CPEB2: variants seen among roughly 807,000 people sequenced by gnomAD.
CPEB2 encodes cytoplasmic polyadenylation element binding protein 2.
Under a neutral mutation model 93.6 loss-of-function variants are expected in CPEB2, and 56 were observed. That is an observed-to-expected ratio of 0.60 (90% CI 0.48 to 0.75). CPEB2 has a LOEUF of 0.75. Among genes scored for constraint, CPEB2 ranks in the 30% least tolerant of loss-of-function variants. The probability of loss-of-function intolerance (pLI) is 0.00; values close to 1 mark genes in which losing one functional copy is unlikely to be tolerated. For missense variants in CPEB2, 1,579 were observed against 1,395.1 expected (o/e 1.13, Z -2.10); for synonymous variants, 764 against 586.3 (o/e 1.30, Z -4.38).
chr4:15,060,972 A>G (rs1360329961), intron 10 of CPEB2, among the ~76,000 whole-genome samples: 1 of 152,150 alleles, frequency 6.6e-6, no homozygotes, highest in Non-Finnish European at 1.5e-5. Context: ...AAGAATACAG[A>G]AAGAATGAAG....
intron 4 of CPEB2, among the ~76,000 whole-genome samples, chr4:15,022,635 GA>G (rs1376184237): frequency 6.6e-6 from 1 of 151,534 alleles, no homozygotes; most frequent in Non-Finnish European, 1.5e-5. Flanking sequence ...CCTTTGATAG[GA>G]AAAAAAATTA....
rs991964214 is a variant in CPEB2 at position 15,058,679 on chromosome 4, A to T, written c.2580+140A>T. The T allele has an allele frequency of 1.1e-5, 7 of 609,592 alleles. 1 individual carries two copies. The highest frequency in any genetic ancestry group is 5.4e-5 in the Admixed American group (2 of 37,082). 37.8% of individuals were successfully genotyped at this position (609,592 alleles called of 1,614,324 possible). A position where few individuals can be genotyped will look rare whatever the true frequency, so the allele number is the denominator to read the frequency against. On this transcript the variant is annotated intron_variant, in intron 9 of 11. Transcript: ENST00000538197. Reference sequence around the variant, plus strand: ...TTGAAACATCCAGATAATTTATAGCAGGAGTCCCCAACCCCTGGGCAGTGG... The same window carrying T: ...TTGAAACATCCAGATAATTTATAGCTGGAGTCCCCAACCCCTGGGCAGTGG...
chr4:15,023,399 A>G (rs779883687), intron 4 of CPEB2, among the ~76,000 whole-genome samples: 20 of 150,304 alleles, frequency 1.3e-4, no homozygotes, highest in South Asian at 4.2e-4. Flanking sequence ...TTCCTGTTAC[A>G]AAAAAAATAG....
chr4:15,002,622 A>G lies in CPEB2; in HGVS notation c.-52A>G. ...GCAACCCCAGCGCCGGCGGCTTCCT[A>G]GGTGGGGCAGGGGACGAGGAGCGTC... On this transcript the variant is annotated 5_prime_UTR_variant, in exon 1 of 12. Coordinates refer to ENST00000538197, the MANE Select transcript of CPEB2 (RefSeq NM_001177382.2). The G allele has an allele frequency of 7.1e-7, 1 of 1,405,138 alleles. No individual in the cohort carries two copies. The highest frequency in any genetic ancestry group is 9.3e-7 in the Non-Finnish European group (1 of 1,070,990). The allele number at this position is 1,405,138 out of a possible 1,614,324, so 87.0% of individuals were successfully genotyped here.
chr4:15,052,548 GT>G lies in CPEB2; in HGVS notation c.2340del (p.Phe780LeufsTer14). 2 of 1,558,518 alleles carry G rather than the reference GT, an allele frequency of 1.3e-6. No individual in the cohort carries two copies. The highest frequency in any genetic ancestry group is 1.2e-5 in the South Asian group (1 of 83,582). On this transcript the variant is annotated frameshift_variant, in exon 7 of 12. Coordinates refer to ENST00000538197, the MANE Select transcript of CPEB2 (RefSeq NM_001177382.2). LOFTEE classifies it high-confidence loss of function. ...GCGAATAGAACGCTTCTCTCGAAAA[GT>G]TTTTGTTGGTGGTCTTCCTCCAGAT... Reference protein sequence around the residue: ...GERIERFSRKVFVGGLPPDID... With the variant: ...GERIERFSRKXFVGGLPPDID...
chr4:15,059,882 G>A (rs1023747684), intron 10 of CPEB2, among the ~76,000 whole-genome samples: 4 of 152,014 alleles, frequency 2.6e-5, no homozygotes, highest in African/African-American at 2.4e-5. Context: ...TGAGAACATC[G>A]TCTCCCCAGT....
chr4:15,003,026 T>A lies in CPEB2; in HGVS notation c.353T>A (p.Leu118His), dbSNP rs768084133. Reference protein sequence around the residue: ...PLSGAAATEKLPDHHPGGGTI... With the variant: ...PLSGAAATEKHPDHHPGGGTI... Reference sequence around the variant, plus strand: ...TCGGGGGCGGCGGCCACGGAGAAACTCCCCGACCACCACCCCGGCGGCGGC... The same window carrying A: ...TCGGGGGCGGCGGCCACGGAGAAACACCCCGACCACCACCCCGGCGGCGGC... The change falls in exon 1 of 12, where the codon CTC becomes CAC. Residue 118 changes from leucine to histidine, a missense_variant. By Grantham distance (99) the Leu-to-His change is moderately conservative. This residue lies in a region of CPEB2 where 1,411 missense variants were observed against 1,056.0 expected (regional missense o/e 1.34). Coordinates refer to ENST00000538197, the MANE Select transcript of CPEB2 (RefSeq NM_001177382.2). 21 of 1,491,906 alleles carry A rather than the reference T, an allele frequency of 1.4e-5. No homozygotes were observed. The South Asian group carries it at 2.6e-4, about 18-fold the overall frequency. 92.4% of individuals were successfully genotyped at this position (1,491,906 alleles called of 1,614,324 possible). A position where few individuals can be genotyped will look rare whatever the true frequency, so the allele number is the denominator to read the frequency against.
chr4:15,008,725 T>C (rs1010968414), intron 3 of CPEB2, among the ~76,000 whole-genome samples: 10 of 152,188 alleles, frequency 6.6e-5, no homozygotes, highest in Non-Finnish European at 1.5e-4. Context: ...AAGCAGATTG[T>C]ATCTCTTTTC....
intron 4 of CPEB2, among the ~76,000 whole-genome samples, chr4:15,020,882 A>G (rs142222873): frequency 6.6e-6 from 1 of 152,290 alleles, no homozygotes; most frequent in Non-Finnish European, 1.5e-5. Flanking sequence ...TGAGGTGTTT[A>G]GAGAGATTAT....
At chr4:15,044,401 A>T (rs1727467023) in intron 6 of CPEB2, among the ~76,000 whole-genome samples, 1 of 152,168 alleles carries the variant, frequency 6.6e-6, no homozygotes, top group Non-Finnish European at 1.5e-5. Context: ...AGAGACTGGT[A>T]GTGTCTGCTC....
In CPEB2 at chr4:15,049,175, A is replaced by G. The variant is rs912523710; in HGVS notation, c.2201-3239A>G. 3.9e-5 allele frequency among the ~76,000 whole-genome samples: 6 copies of G among 152,054 alleles called. No individual in the cohort carries two copies. The East Asian group carries it at 9.6e-4, about 24-fold the overall frequency. On this transcript the variant is annotated intron_variant, in intron 6 of 11. Coordinates refer to ENST00000538197, the MANE Select transcript of CPEB2 (RefSeq NM_001177382.2). ...TATGAATACTAAGTAATATTTTATT[A>G]TAGTAAACAAAAAGTTTGAGTCACT...
intron 9 of CPEB2, among the ~76,000 whole-genome samples, 156 bp from the exon 10 acceptor site, chr4:15,059,031 C>T (rs1291063298): frequency 2.0e-5 from 3 of 152,140 alleles, no homozygotes; most frequent in Non-Finnish European, 4.4e-5. Flanking sequence ...TTTATAGTAT[C>T]TAGATCAACA....
chr4:15,049,830 GT>G (rs1728054726), intron 6 of CPEB2, among the ~76,000 whole-genome samples: 1 of 152,016 alleles, frequency 6.6e-6, no homozygotes, highest in African/African-American at 2.4e-5. Context: ...CTCTGTTGTT[GT>G]GTCTTATAAA....
chr4:15,029,773 A>G (rs4453931), intron 4 of CPEB2, among the ~76,000 whole-genome samples: 120,706 of 152,000 alleles, frequency 0.79, 48,934 homozygotes, highest in Middle Eastern at 0.89. Context: ...TCATTCTTCT[A>G]TTATCCTGAA....
intron 6 of CPEB2, 74 bp downstream of exon 6, chr4:15,040,561 C>G: frequency 7.7e-7 from 1 of 1,306,760 alleles, no homozygotes; most frequent in Non-Finnish European, 1.0e-6. Flanking sequence ...ATTAATTACT[C>G]TAGATTTTTC....
intron 4 of CPEB2, among the ~76,000 whole-genome samples, chr4:15,026,828 A>G (rs1560230281): frequency 6.6e-6 from 1 of 152,178 alleles, no homozygotes; most frequent in African/African-American, 2.4e-5. Context: ...AATAAAATTG[A>G]ATTAGCTTTT....
At chr4:15,024,383 T>C (rs1430039196) in intron 4 of CPEB2, among the ~76,000 whole-genome samples, 1 of 152,150 alleles carries the variant, frequency 6.6e-6, no homozygotes, top group Non-Finnish European at 1.5e-5. Flanking sequence ...CTATATAATA[T>C]GATAAGTCAC....
chr4:15,027,281 G>C (rs946905931), intron 4 of CPEB2, among the ~76,000 whole-genome samples: 4 of 152,112 alleles, frequency 2.6e-5, no homozygotes, highest in Admixed American at 6.5e-5. Context: ...ATTTATGATA[G>C]GATTTTGATT....
At position 15,002,501 on chromosome 4, in the gene CPEB2, G is replaced by A. The variant is rs535054951; in HGVS notation, c.-173G>A. ...CGACTGCGACGGCGGCGGCGGCGGC[G>A]ATCGCCGCGAGGGGTGGTGGGGCCG... is the stretch of plus-strand genomic sequence containing the variant. On this transcript the variant is annotated 5_prime_UTR_variant, in exon 1 of 12. Transcript: ENST00000538197. 5.1e-4 allele frequency among the ~76,000 whole-genome samples: 77 copies of A among 149,766 alleles called. No homozygotes were observed. Among genetic ancestry groups the A allele is most frequent in the African/African-American group, 1.8e-3 (73 of 40,768 alleles).
Sources: allele counts gnomAD v4.1 joint callset (sites outside exome capture counted in the v4.1 genomes callset), GRCh38; gene constraint gnomAD v4.1.1; regional missense constraint gnomAD v4.1.1; transcripts MANE v1.5; gene names NCBI Gene and HGNC (gene_info 2026-07-23, HGNC 2026-07-21).